Variants in CAMSAP2 observed in about 807,000 individuals in gnomAD.
CAMSAP2 encodes calmodulin regulated spectrin associated protein family member 2, also known as calmodulin-regulated spectrin-associated protein 2.
CAMSAP2 carries 26 observed loss-of-function variants against 146.1 expected under a neutral mutation model. The ratio of observed to expected loss-of-function variants is 0.18; its 90% CI spans 0.13 to 0.25. The LOEUF is 0.25. Ranked by LOEUF, CAMSAP2 falls within the 10% of genes least tolerant of loss-of-function variation. The pLI is 1.00. For synonymous variants in CAMSAP2, 499 were observed against 596.6 expected (o/e 0.84, Z 2.38); for missense variants, 1,381 against 1,759.3 (o/e 0.78, Z 3.85).
Position 200,816,626 on chromosome 1 carries a change from G to GTA in CAMSAP2, c.645+991_645+992dup, listed in dbSNP as rs1307639724. On this transcript the variant is annotated intron_variant, in intron 4 of 16. Coordinates refer to ENST00000358823, the MANE Select transcript of CAMSAP2 (RefSeq NM_203459.4). Reference sequence around the variant, plus strand: ...AAAAAATATATATATATATATATATGTATATATATACACACACATATATAT... The same window carrying GTA: ...AAAAAATATATATATATATATATATGTATATATATATACACACACATATATAT... 1.3e-4 allele frequency among the ~76,000 whole-genome samples: 18 copies of GTA among 134,592 alleles called. No individual in the cohort carries two copies. In the East Asian group the frequency reaches 2.0e-3, roughly 15 times the overall value. 88.3% of individuals were successfully genotyped at this position (134,592 alleles called of 152,430 possible).
chr1:200,818,065 A>G (rs1666654012), intron 4 of CAMSAP2, among the ~76,000 whole-genome samples: 2 of 152,046 alleles, frequency 1.3e-5, no homozygotes, highest in Non-Finnish European at 2.9e-5. Context: ...CTGCCCCTCA[A>G]TTTTGCTCCT....
intron 2 of CAMSAP2, among the ~76,000 whole-genome samples, chr1:200,785,647 C>T (rs1665567639): frequency 6.6e-6 from 1 of 152,144 alleles, no homozygotes; most frequent in Non-Finnish European, 1.5e-5. Flanking sequence ...GCCTTGGCCT[C>T]CCAAAGTGCT....
At chr1:200,820,171 G>A (rs1007540565) in intron 4 of CAMSAP2, among the ~76,000 whole-genome samples, 1 of 150,986 alleles carries the variant, frequency 6.6e-6, no homozygotes, top group East Asian at 2.0e-4. Flanking sequence ...AGCAATTCTC[G>A]TGCCTCAGCC....
At chr1:200,781,463 A>G (rs984368824) in intron 2 of CAMSAP2, among the ~76,000 whole-genome samples, 1 of 152,192 alleles carries the variant, frequency 6.6e-6, no homozygotes, top group African/African-American at 2.4e-5. Flanking sequence ...TTCTGTACTT[A>G]AATCTTGATT....
chr1:200,848,454 A>G lies in CAMSAP2; in HGVS notation c.1685A>G (p.Asp562Gly), dbSNP rs768882721. 1 of 1,613,432 alleles carries G rather than the reference A, an allele frequency of 6.2e-7. No homozygotes were observed. Among genetic ancestry groups the G allele is most frequent in the East Asian group, 2.2e-5 (1 of 44,872 alleles). ...AAATCTCCTCATACACCTCAGCCAG[A>G]CCAAATTGCTAATGGCTTCTTTCTT... ...TEKSPHTPQP[D>G]QIANGFFLHS... The change falls in exon 11 of 17, where the codon GAC becomes GGC. Residue 562 changes from aspartate to glycine, a missense_variant. Around this residue, in one of 4 missense-constraint regions of CAMSAP2, gnomAD observed 447 missense variants for 462.2 expected, o/e 0.97. Transcript: ENST00000358823.
At chr1:200,813,661 T>C (rs1238934257) in intron 3 of CAMSAP2, among the ~76,000 whole-genome samples, 1 of 152,204 alleles carries the variant, frequency 6.6e-6, no homozygotes, top group African/African-American at 2.4e-5. Flanking sequence ...ACCACTTTGC[T>C]TTTTGGACAG....
Position 200,848,767 on chromosome 1 carries a change from T to C in CAMSAP2, c.1998T>C (p.Ser666=). The stretch of plus-strand genomic sequence containing the variant: ...GGGAAGCTTTGAGTCCTTGTCCAAG[T>C]ACTGTAAGTACCAAGTCTCAGCCAG... ...NTREALSPCP[S]TVSTKSQPGS... The change falls in exon 11 of 17, where the codon AGT becomes AGC. Residue 666 remains serine (S), a synonymous_variant. Coordinates refer to ENST00000358823, the MANE Select transcript of CAMSAP2 (RefSeq NM_203459.4). The C allele has an allele frequency of 1.2e-6, 2 of 1,614,188 alleles. No individual in the cohort carries two copies. The highest frequency in any genetic ancestry group is 2.2e-5 in the South Asian group (2 of 91,084).
rs755491159 is a variant in CAMSAP2 at position 200,832,889 on chromosome 1, T to G, written c.927+44T>G. On this transcript the variant is annotated intron_variant, in intron 6 of 16. Transcript: ENST00000358823. This position sits in a 1 kb window ranked among gnomAD's most constrained non-coding sequence, Gnocchi z 4.2. ...TTTTTCCCTTTGCTTTGTTAAAATA[T>G]GTTTTTTTAAAAAACAAACAAAAAC... The G allele has an allele frequency of 6.6e-7, 1 of 1,517,432 alleles. No homozygotes were observed. The highest frequency in any genetic ancestry group is 8.9e-7 in the Non-Finnish European group (1 of 1,128,280). The allele number at this position is 1,517,432 out of a possible 1,614,324, so 94.0% of individuals were successfully genotyped here.
intron 1 of CAMSAP2, among the ~76,000 whole-genome samples, chr1:200,746,037 G>A (rs1216591290): frequency 6.6e-6 from 1 of 151,998 alleles, no homozygotes; most frequent in Non-Finnish European, 1.5e-5. Flanking sequence ...TTCTTCCCAC[G>A]TGGACCCTGA....
At chr1:200,777,886 G>C (rs1158333214) in intron 2 of CAMSAP2, among the ~76,000 whole-genome samples, 1 of 152,124 alleles carries the variant, frequency 6.6e-6, no homozygotes, top group East Asian at 1.9e-4. Flanking sequence ...GCTGCAATGA[G>C]CTGTGATTAT....
chr1:200,741,111 A>G lies in CAMSAP2; in HGVS notation c.139+1145A>G, dbSNP rs531928146. On this transcript the variant is annotated intron_variant, in intron 1 of 16. Transcript: ENST00000358823. ...TAAACTTACACAGCTGAGTATTTTC[A>G]GGACTTACACATCCTACTTAAATAG... Among the ~76,000 whole-genome samples, 5 of 152,346 alleles carry G rather than the reference A, an allele frequency of 3.3e-5. No homozygotes were observed. The Middle Eastern group carries it at 0.01, about 311-fold the overall frequency.
At chr1:200,787,498 T>C (rs1370422264) in intron 2 of CAMSAP2, among the ~76,000 whole-genome samples, 2 of 152,166 alleles carry the variant, frequency 1.3e-5, no homozygotes, top group African/African-American at 4.8e-5. Context: ...TGTAATCTCA[T>C]TATCAAAATT....
intron 4 of CAMSAP2, among the ~76,000 whole-genome samples, chr1:200,815,894 A>G (rs1000819677): frequency 7.2e-5 from 11 of 152,238 alleles, no homozygotes; most frequent in Non-Finnish European, 1.5e-4. Context: ...GTCAAAAATA[A>G]CAGTTTGCCT....
At chr1:200,799,546 T>G (rs552852413) in intron 2 of CAMSAP2, among the ~76,000 whole-genome samples, 1 of 152,324 alleles carries the variant, frequency 6.6e-6, no homozygotes, top group Non-Finnish European at 1.5e-5. Context: ...ATTGTATCTA[T>G]TTGATTCTTC....
At chr1:200,761,770 A>G (rs955853568) in intron 2 of CAMSAP2, among the ~76,000 whole-genome samples, 1 of 152,100 alleles carries the variant, frequency 6.6e-6, no homozygotes, top group African/African-American at 2.4e-5. Flanking sequence ...ATGTACTTGA[A>G]TAACTTCTTG....
chr1:200,739,631 C>T lies in CAMSAP2; in HGVS notation c.-197C>T, dbSNP rs1256146281. On this transcript the variant is annotated 5_prime_UTR_variant, in exon 1 of 17. Transcript: ENST00000358823. The surrounding 1 kb of genome is among the most constrained non-coding windows in gnomAD (Gnocchi z 4.8). ...TTCCTATGCCCGGGAGCGGCGGCGG[C>T]GGCGGCGGCGGCTCCCGCGGGAGGC... 2.0e-5 allele frequency: 7 copies of T among 351,368 alleles called. No homozygotes were observed. The highest frequency in any genetic ancestry group is 2.2e-5 in the African/African-American group (1 of 45,910). 21.8% of individuals were successfully genotyped at this position (351,368 alleles called of 1,614,324 possible). A position where few individuals can be genotyped will look rare whatever the true frequency, so the allele number is the denominator to read the frequency against.
chr1:200,804,814 A>G (rs1462290290), intron 2 of CAMSAP2, among the ~76,000 whole-genome samples: 1 of 152,218 alleles, frequency 6.6e-6, no homozygotes, highest in African/African-American at 2.4e-5. Flanking sequence ...TGCGGTTTTA[A>G]TTTGAAATAA....
Position 200,858,220 on chromosome 1 carries a change from G to T in CAMSAP2, c.*161G>T. The T allele has an allele frequency of 1.7e-6, 1 of 583,162 alleles. No homozygotes were observed. The highest frequency in any genetic ancestry group is 2.9e-6 in the Non-Finnish European group (1 of 342,228). 36.1% of individuals were successfully genotyped at this position (583,162 alleles called of 1,614,324 possible). ...ACTGGAATGTAAACCACAGTATTTTGGAGTGCAGAACATTCTCAATTAAGT... is the reference window on the plus strand; with the variant it reads ...ACTGGAATGTAAACCACAGTATTTTTGAGTGCAGAACATTCTCAATTAAGT... On this transcript the variant is annotated 3_prime_UTR_variant, in exon 17 of 17. Coordinates refer to ENST00000358823, the MANE Select transcript of CAMSAP2 (RefSeq NM_203459.4).
Position 200,773,595 on chromosome 1 carries a change from C to G in CAMSAP2, c.399+12497C>G, listed in dbSNP as rs201440772. ...AGATAAAAAGATTTCTATGCATTCA[C>G]TGCAGATTAATAAATTTAAATAGAT... On this transcript the variant is annotated intron_variant, in intron 2 of 16. Transcript: ENST00000358823. Among the ~76,000 whole-genome samples, 7 of 152,140 alleles carry G rather than the reference C, an allele frequency of 4.6e-5. No homozygotes were observed. In the East Asian group the frequency reaches 1.3e-3, roughly 29 times the overall value.
Sources: allele counts gnomAD v4.1 joint callset (sites outside exome capture counted in the v4.1 genomes callset), GRCh38; gene constraint gnomAD v4.1.1; regional missense constraint gnomAD v4.1.1; non-coding constraint Gnocchi (gnomAD v3.1); transcripts MANE v1.5; gene names NCBI Gene and HGNC (gene_info 2026-07-23, HGNC 2026-07-21).